HMGCLL1: variants seen among roughly 807,000 people sequenced by gnomAD.
The protein encoded by HMGCLL1 is 3-hydroxymethyl-3-methylglutaryl-CoA lyase, cytoplasmic.
HMGCLL1 carries 36 observed loss-of-function variants against 39.1 expected under a neutral mutation model. That is an observed-to-expected ratio of 0.92 (90% CI 0.71 to 1.22). HMGCLL1 has a LOEUF of 1.22. HMGCLL1 is among the 50% of genes most tolerant of loss of function. The pLI is 0.00. For synonymous variants in HMGCLL1, 149 were observed against 144.0 expected (o/e 1.03, Z -0.25); for missense variants, 451 against 416.5 (o/e 1.08, Z -0.72).
chr6:55,581,277 ACG>A (rs1381615471), upstream of HMGCLL1, among the ~76,000 whole-genome samples: 2 of 152,114 alleles, frequency 1.3e-5, no homozygotes, highest in Non-Finnish European at 2.9e-5. Flanking sequence ...CCATAGTGAT[ACG>A]TGTTTTTTTA....
chr6:55,587,324 T>C, the HMGCLL1 span, among the ~76,000 whole-genome samples: 1 of 152,008 alleles, frequency 6.6e-6, no homozygotes, highest in Non-Finnish European at 1.5e-5. Context: ...ATTGCAAAAA[T>C]TTTCTCCCAT....
chr6:55,589,229 G>T, the HMGCLL1 span, among the ~76,000 whole-genome samples: 1 of 152,166 alleles, frequency 6.6e-6, no homozygotes, highest in African/African-American at 2.4e-5. Flanking sequence ...CTTCATCCCT[G>T]GGATGCAAGG....
At chr6:55,583,021 C>T (rs1772011718), upstream of HMGCLL1, among the ~76,000 whole-genome samples, 1 of 151,914 alleles carries the variant, frequency 6.6e-6, no homozygotes, top group Admixed American at 6.6e-5. Context: ...AATTAATTTG[C>T]CAAAACAGCA....
chr6:55,578,947 C>A lies in HMGCLL1; in HGVS notation c.108+1G>T, dbSNP rs1771898200. 6.2e-7 allele frequency: 1 copy of A among 1,607,420 alleles called. No homozygotes were observed. Among genetic ancestry groups the A allele is most frequent in the Non-Finnish European group, 8.5e-7 (1 of 1,176,222 alleles). On this transcript the variant is annotated splice_donor_variant, in intron 1 of 8. Transcript: ENST00000274901. LOFTEE classifies it high-confidence loss of function. Reference sequence around the variant, plus strand: ...GGACACCCTGGGCCGCGAGGTGGTACCTGCGCGGGGTCGAGCGCCCCTGCC... The same window carrying A: ...GGACACCCTGGGCCGCGAGGTGGTAACTGCGCGGGGTCGAGCGCCCCTGCC...
the HMGCLL1 span, among the ~76,000 whole-genome samples, chr6:55,597,471 G>C: frequency 6.6e-6 from 1 of 150,650 alleles, no homozygotes; most frequent in Non-Finnish European, 1.5e-5. Context: ...AAAGGATACA[G>C]AAGTTGATAA....
At chr6:55,569,928 A>C (rs1359635796) in intron 1 of HMGCLL1, among the ~76,000 whole-genome samples, 1 of 152,128 alleles carries the variant, frequency 6.6e-6, no homozygotes, top group Admixed American at 6.5e-5. Context: ...CTTTCCTTCA[A>C]AAGTGCATGT....
chr6:55,496,973 G>A (rs1766613796), intron 6 of HMGCLL1, among the ~76,000 whole-genome samples: 1 of 152,054 alleles, frequency 6.6e-6, no homozygotes, highest in Non-Finnish European at 1.5e-5. Context: ...ATTAAGTTCA[G>A]CTCTTTCACT....
intron 5 of HMGCLL1, among the ~76,000 whole-genome samples, chr6:55,507,300 C>A (rs1041934382): frequency 6.6e-6 from 1 of 151,660 alleles, no homozygotes; most frequent in African/African-American, 2.4e-5. Context: ...ATACTATCGA[C>A]AGTTTCAGGC....
the HMGCLL1 span, among the ~76,000 whole-genome samples, chr6:55,599,784 A>G: frequency 1.3e-5 from 2 of 152,204 alleles, no homozygotes; most frequent in African/African-American, 2.4e-5. Context: ...AAGAAACAAT[A>G]GAAAATTTTG....
the HMGCLL1 span, among the ~76,000 whole-genome samples, chr6:55,666,403 C>T: frequency 2.0e-5 from 3 of 151,600 alleles, no homozygotes; most frequent in African/African-American, 7.3e-5. Flanking sequence ...TTGTGAAGTG[C>T]CCGAGTTAAA....
Position 55,450,089 on chromosome 6 carries a change from G to A in HMGCLL1, c.796-10530C>T, listed in dbSNP as rs79009698. 1.4e-4 allele frequency among the ~76,000 whole-genome samples: 21 copies of A among 152,256 alleles called. No homozygotes were observed. The East Asian group carries it at 3.1e-3, about 22-fold the overall frequency. On this transcript the variant is annotated intron_variant, in intron 7 of 8. Coordinates refer to ENST00000274901, the MANE Select transcript of HMGCLL1 (RefSeq NM_001042406.2). ...TTTGGTGAACACTCACTTTTTGGAG[G>A]TGGGAGAAAGAAGATGAGTTAATGA...
the HMGCLL1 span, among the ~76,000 whole-genome samples, chr6:55,627,674 T>C: frequency 4.2e-5 from 6 of 141,872 alleles, no homozygotes; most frequent in Non-Finnish European, 9.5e-5. Flanking sequence ...CCAGGGAATA[T>C]AAAGCAGGCA....
intron 1 of HMGCLL1, among the ~76,000 whole-genome samples, chr6:55,561,655 C>A (rs1376050049): frequency 3.3e-5 from 5 of 152,052 alleles, no homozygotes; most frequent in African/African-American, 1.2e-4. Context: ...ATGATTATGT[C>A]TAAATAACAG....
At chr6:55,461,968 A>G (rs1051264275) in intron 7 of HMGCLL1, among the ~76,000 whole-genome samples, 2 of 152,172 alleles carry the variant, frequency 1.3e-5, no homozygotes, top group Non-Finnish European at 2.9e-5. Flanking sequence ...ATATGGCAGT[A>G]GGGTCATATG....
At chr6:55,452,878 C>A (rs1330561391) in intron 7 of HMGCLL1, among the ~76,000 whole-genome samples, 1 of 151,986 alleles carries the variant, frequency 6.6e-6, no homozygotes, top group Non-Finnish European at 1.5e-5. Context: ...ATACAAAGAA[C>A]TTTAATACAA....
the HMGCLL1 span, among the ~76,000 whole-genome samples, chr6:55,678,800 G>A: frequency 1.2e-3 from 182 of 152,308 alleles, no homozygotes; most frequent in Middle Eastern, 6.8e-3. Context: ...ACAAATGGAA[G>A]TGAGAGGTGG....
chr6:55,598,516 T>C, the HMGCLL1 span, among the ~76,000 whole-genome samples: 1 of 152,202 alleles, frequency 6.6e-6, no homozygotes, highest in South Asian at 2.1e-4. Flanking sequence ...CACGCTAACA[T>C]AGCTGAAAGC....
chr6:55,511,033 A>T (rs1027553769), intron 5 of HMGCLL1, among the ~76,000 whole-genome samples: 1 of 151,932 alleles, frequency 6.6e-6, no homozygotes, highest in South Asian at 2.1e-4. Context: ...ACTACTTCAT[A>T]TCTTGAAGAA....
chr6:55,517,443 A>G (rs1349472884), intron 3 of HMGCLL1, among the ~76,000 whole-genome samples: 2 of 152,088 alleles, frequency 1.3e-5, no homozygotes, highest in Non-Finnish European at 1.5e-5. Context: ...GAAGAATAGT[A>G]TATAAGCAGT....
Sources: gnomAD v4.1 joint callset for allele counts (sites outside exome capture counted in the v4.1 genomes callset) on GRCh38, gnomAD v4.1.1 for gene constraint, MANE v1.5 for transcripts, NCBI Gene and HGNC (gene_info 2026-07-23, HGNC 2026-07-21) for gene names.